RBFOX1: variants seen among roughly 807,000 people sequenced by gnomAD.
RBFOX1 encodes the protein RNA binding protein fox-1 homolog 1.
RBFOX1 carries 8 observed loss-of-function variants against 57.7 expected under a neutral mutation model. The ratio of observed to expected loss-of-function variants is 0.14; its 90% CI spans 0.08 to 0.25. The LOEUF is 0.25. RBFOX1 is among the 10% of genes least tolerant of loss of function. The pLI is 1.00. For synonymous variants in RBFOX1, 326 were observed against 222.4 expected (o/e 1.47, Z -4.15); for missense variants, 611 against 548.5 (o/e 1.11, Z -1.14).
chr16:7,485,903 G>T (rs903431370), intron 4 of RBFOX1, among the ~76,000 whole-genome samples: 1 of 152,132 alleles, frequency 6.6e-6, no homozygotes. Context: ...TTGGCACATA[G>T]CCACACCCAT....
chr16:7,609,597 T>G (rs1474783212), intron 10 of RBFOX1, among the ~76,000 whole-genome samples: 1 of 152,164 alleles, frequency 6.6e-6, no homozygotes, highest in African/African-American at 2.4e-5. Context: ...CTGGATACTT[T>G]CTATGGGCCA....
At chr16:7,117,636 A>C (rs1293957784) in intron 4 of RBFOX1, among the ~76,000 whole-genome samples, 8 of 152,238 alleles carry the variant, frequency 5.3e-5, no homozygotes, top group Admixed American at 5.2e-4. Flanking sequence ...GAATCAGGTT[A>C]GGTTTTTACG....
chr16:5,975,224 A>C (rs1355927939), intron 4 of RBFOX1, among the ~76,000 whole-genome samples: 1 of 152,184 alleles, frequency 6.6e-6, no homozygotes, highest in East Asian at 1.9e-4. Flanking sequence ...GATGGCCCTG[A>C]TAAATCGATC....
At chr16:5,738,631 C>G (rs56111934) in intron 3 of RBFOX1, among the ~76,000 whole-genome samples, 1 of 67,356 alleles carries the variant, frequency 1.5e-5, no homozygotes, top group Non-Finnish European at 3.0e-5. Flanking sequence ...AAGGCTCTGT[C>G]TCAGAAAAAA....
At chr16:5,450,336 C>G (rs889808889) in intron 1 of RBFOX1, among the ~76,000 whole-genome samples, 2 of 152,112 alleles carry the variant, frequency 1.3e-5, no homozygotes, top group African/African-American at 4.8e-5. Flanking sequence ...ATGAAGGGTT[C>G]CAGGAAGAAG....
chr16:7,138,252 G>A (rs17669817), intron 4 of RBFOX1, among the ~76,000 whole-genome samples: 51,338 of 152,012 alleles, frequency 0.34, 9,966 homozygotes, highest in East Asian at 0.64. Flanking sequence ...AGATTGCTGA[G>A]AGGGTGCAGA....
chr16:5,476,208 T>C (rs1009952488), intron 2 of RBFOX1, among the ~76,000 whole-genome samples: 1 of 152,186 alleles, frequency 6.6e-6, no homozygotes, highest in Non-Finnish European at 1.5e-5. Flanking sequence ...ATACCTTGAT[T>C]TAGCTGTTCT....
At chr16:6,800,497 C>T (rs548141231) in intron 3 of RBFOX1, among the ~76,000 whole-genome samples, 1 of 152,234 alleles carries the variant, frequency 6.6e-6, no homozygotes, top group East Asian at 1.9e-4. Context: ...ATCTGCATTT[C>T]TAATAGGCTT....
At chr16:7,556,610 A>G (rs2088573463) in intron 5 of RBFOX1, among the ~76,000 whole-genome samples, 1 of 152,174 alleles carries the variant, frequency 6.6e-6, no homozygotes, top group African/African-American at 2.4e-5. Flanking sequence ...TTCACCTAAG[A>G]AAGCTTCATG....
chr16:7,663,111 G>C (rs1213747200), intron 12 of RBFOX1, among the ~76,000 whole-genome samples: 1 of 152,212 alleles, frequency 6.6e-6, no homozygotes, highest in Non-Finnish European at 1.5e-5. Context: ...CCTGTGGTTT[G>C]GGACCCAAAC....
chr16:6,236,328 A>T (rs1290272041), intron 1 of RBFOX1, among the ~76,000 whole-genome samples: 1 of 152,168 alleles, frequency 6.6e-6, no homozygotes, highest in African/African-American at 2.4e-5. Flanking sequence ...GACTAATAGT[A>T]CCTAACTCAT....
At chr16:6,144,949 GA>G (rs2152709306) in intron 1 of RBFOX1, among the ~76,000 whole-genome samples, 1 of 152,178 alleles carries the variant, frequency 6.6e-6, no homozygotes, top group African/African-American at 2.4e-5. Flanking sequence ...TTCCCTCTAG[GA>G]AAAGCCAAGA....
At chr16:7,177,314 T>G (rs1169145308) in intron 4 of RBFOX1, among the ~76,000 whole-genome samples, 1 of 152,138 alleles carries the variant, frequency 6.6e-6, no homozygotes, top group Non-Finnish European at 1.5e-5. Context: ...CAAAAAGCCC[T>G]GAAGGCCTCA....
chr16:6,526,191 GAATT>G (rs1322256152), intron 2 of RBFOX1, among the ~76,000 whole-genome samples: 12 of 152,324 alleles, frequency 7.9e-5, no homozygotes, highest in African/African-American at 2.9e-4. Context: ...AGGACTGGAT[GAATT>G]AATTCGAGTG....
At chr16:6,359,909 A>G (rs1407227713) in intron 2 of RBFOX1, among the ~76,000 whole-genome samples, 3 of 152,220 alleles carry the variant, frequency 2.0e-5, no homozygotes, top group Non-Finnish European at 2.9e-5. Flanking sequence ...GAACATTGGG[A>G]TGTTAGATCA....
intron 3 of RBFOX1, among the ~76,000 whole-genome samples, chr16:6,755,486 C>G (rs900143652): frequency 6.6e-6 from 1 of 152,196 alleles, no homozygotes; most frequent in East Asian, 1.9e-4. Context: ...TGTTTTTTGG[C>G]TGCATAAATG....
intron 1 of RBFOX1, among the ~76,000 whole-genome samples, chr16:6,030,016 T>C (rs1486124937): frequency 6.6e-6 from 1 of 152,200 alleles, no homozygotes; most frequent in Non-Finnish European, 1.5e-5. Flanking sequence ...TGGACTCAAG[T>C]GATCCCACCT....
chr16:5,416,040 G>C (rs2067152125), intron 1 of RBFOX1, among the ~76,000 whole-genome samples: 3 of 152,164 alleles, frequency 2.0e-5, no homozygotes, highest in African/African-American at 7.2e-5. Flanking sequence ...AGAAAGGAGA[G>C]GTTTGACTGT....
chr16:6,610,138 C>G (rs1239805836), intron 2 of RBFOX1, among the ~76,000 whole-genome samples: 3 of 152,124 alleles, frequency 2.0e-5, no homozygotes, highest in Non-Finnish European at 4.4e-5. Context: ...TTTCATGGAC[C>G]TCACGTTGAT....
Sources: gnomAD v4.1 joint callset for allele counts (sites outside exome capture counted in the v4.1 genomes callset) on GRCh38, gnomAD v4.1.1 for gene constraint, MANE v1.5 for transcripts, NCBI Gene and HGNC (gene_info 2026-07-23, HGNC 2026-07-21) for gene names.